The following UPRT variants were observed in gnomAD, a reference collection of about 807,000 sequenced individuals.
UPRT encodes the protein uracil phosphoribosyltransferase homolog, also known as RP11-311P8.3.
UPRT carries 5 observed loss-of-function variants against 22.6 expected under a neutral mutation model. The observed-to-expected ratio is 0.22, with a 90% CI of 0.12 to 0.47. UPRT has a LOEUF of 0.47. Among genes scored for constraint, UPRT ranks in the 20% least tolerant of loss-of-function variants. UPRT has a pLI of 0.99. For synonymous variants in UPRT, 77 were observed against 87.7 expected, an observed-to-expected ratio of 0.88 and a Z score of 0.68; for missense variants, 181 against 239.9, an observed-to-expected ratio of 0.75 and a Z score of 1.62.
chrX:75,290,423 G>A (rs1465790907), intron 1 of UPRT, among the ~76,000 whole-genome samples: 1 of 111,696 alleles, frequency 9.0e-6, no homozygotes, highest in African/African-American at 3.3e-5. Context: ...GAAACCATTT[G>A]ACCCAAGAAT....
intron 4 of UPRT, among the ~76,000 whole-genome samples, chrX:75,208,615 T>A (rs894648507): frequency 2.7e-5 from 3 of 111,529 alleles, no homozygotes; most frequent in African/African-American, 9.8e-5. Flanking sequence ...CACCACCTGG[T>A]TTACAACTCA....
chrX:75,183,569 C>G (rs1602442420), intron 4 of UPRT, among the ~76,000 whole-genome samples: 1 of 111,973 alleles, frequency 8.9e-6, no homozygotes, highest in Non-Finnish European at 1.9e-5. Flanking sequence ...AATGGTATTT[C>G]TAGTTCTAGA....
At chrX:75,230,312 T>C (rs1036472089) in intron 4 of UPRT, among the ~76,000 whole-genome samples, 1 of 111,680 alleles carries the variant, frequency 9.0e-6, no homozygotes, top group East Asian at 2.8e-4. Flanking sequence ...AGCCACCTGA[T>C]GATTTTTCTC....
At chrX:75,294,952 T>G (rs1244784701) in intron 2 of UPRT, among the ~76,000 whole-genome samples, 2 of 111,295 alleles carry the variant, frequency 1.8e-5, no homozygotes, top group East Asian at 5.7e-4. Flanking sequence ...CCCAGTGAGA[T>G]AGTAAGGACC....
At chrX:75,158,772 C>A (rs935501160) in intron 1 of UPRT, among the ~76,000 whole-genome samples, 1 of 111,644 alleles carries the variant, frequency 9.0e-6, no homozygotes, top group East Asian at 2.8e-4. Flanking sequence ...TTTTAAATGA[C>A]TTTTTCTTAT....
At chrX:75,190,117 G>A (rs2082309828) in intron 4 of UPRT, among the ~76,000 whole-genome samples, 3 of 112,077 alleles carry the variant, frequency 2.7e-5, no homozygotes, top group Middle Eastern at 4.6e-3. Flanking sequence ...GGCTGATACC[G>A]GTTGTTCCTT....
At position 75,304,247 on chromosome X, in the gene UPRT, T is replaced by C. The variant is rs1220918937; in HGVS notation, c.*736T>C. ...ACAAGGGAGAGCCAAGTACTGTTAATGCCATCAATCCTCTAGGAAGGAATT... is the reference window on the plus strand; with the variant it reads ...ACAAGGGAGAGCCAAGTACTGTTAACGCCATCAATCCTCTAGGAAGGAATT... On this transcript the variant is annotated 3_prime_UTR_variant, in exon 7 of 7. Transcript: ENST00000373383. 9.0e-6 allele frequency: 1 copy of C among 111,539 alleles called. No individual in the cohort carries two copies. The highest frequency in any genetic ancestry group is 3.3e-5 in the African/African-American group (1 of 30,725). The allele number at this position is 111,539 out of a possible 1,213,427, so 9.2% of individuals were successfully genotyped here. A position where few individuals can be genotyped will look rare whatever the true frequency, so the allele number is the denominator to read the frequency against.
At chrX:75,185,505 G>A (rs1314629025) in intron 4 of UPRT, among the ~76,000 whole-genome samples, 2 of 111,850 alleles carry the variant, frequency 1.8e-5, no homozygotes, top group African/African-American at 6.5e-5. Flanking sequence ...GTCTCTGTCT[G>A]GCTTTGGTAT....
intron 4 of UPRT, among the ~76,000 whole-genome samples, chrX:75,227,586 C>T (rs2082427022): frequency 8.9e-6 from 1 of 112,344 alleles, no homozygotes; most frequent in African/African-American, 3.2e-5. Flanking sequence ...TTGCTTCTTG[C>T]CTCGTAGTCT....
chrX:75,178,045 G>T (rs933279462), intron 4 of UPRT, among the ~76,000 whole-genome samples: 8 of 112,276 alleles, frequency 7.1e-5, no homozygotes, highest in Non-Finnish European at 1.1e-4. Context: ...ACTCATGGCC[G>T]CAGGGTCAAC....
intron 4 of UPRT, among the ~76,000 whole-genome samples, chrX:75,222,056 C>T (rs2082411798): frequency 8.9e-6 from 1 of 112,023 alleles, no homozygotes; most frequent in African/African-American, 3.3e-5. Context: ...CCCTCCAGTC[C>T]AGCAGTGCTG....
chrX:75,194,047 C>T (rs2082325069), intron 4 of UPRT, among the ~76,000 whole-genome samples: 1 of 111,951 alleles, frequency 8.9e-6, no homozygotes, highest in Non-Finnish European at 1.9e-5. Flanking sequence ...TTTTGAGTTG[C>T]CAGAGTTCTT....
At chrX:75,177,644 T>C (rs1165129785) in intron 4 of UPRT, among the ~76,000 whole-genome samples, 1 of 111,670 alleles carries the variant, frequency 9.0e-6, no homozygotes, top group African/African-American at 3.3e-5. Context: ...TCCTCACTTA[T>C]ATAAATAGGA....
intron 4 of UPRT, among the ~76,000 whole-genome samples, chrX:75,234,294 G>C (rs775121595): frequency 9.0e-6 from 1 of 110,995 alleles, no homozygotes; most frequent in East Asian, 2.8e-4. Flanking sequence ...AGCAAGTCCT[G>C]AGTGACCTAC....
intron 1 of UPRT, among the ~76,000 whole-genome samples, chrX:75,291,919 T>A (rs1009848609): frequency 1.8e-5 from 2 of 111,299 alleles, no homozygotes; most frequent in Admixed American, 1.9e-4. Context: ...TGAGGCTGAT[T>A]TTTTTGTGGG....
In UPRT at chrX:75,296,562, G is replaced by T. The variant is rs774402651; in HGVS notation, c.499+151G>T. On this transcript the variant is annotated intron_variant, in intron 3 of 6. Coordinates refer to ENST00000373383, the MANE Select transcript of UPRT (RefSeq NM_145052.4). ...TTAAAATCTTAAAAATAAAACTCAG[G>T]CATTTAGGAAAGAAATCTGTGTAGA... The T allele has an allele frequency of 5.0e-5, 24 of 481,257 alleles. No individual in the cohort carries two copies. The South Asian group carries it at 1.0e-3, about 21-fold the overall frequency. The allele number at this position is 481,257 out of a possible 1,213,427, so 39.7% of individuals were successfully genotyped here.
At chrX:75,236,648 A>G (rs1312363867) in intron 4 of UPRT, among the ~76,000 whole-genome samples, 4 of 112,119 alleles carry the variant, frequency 3.6e-5, no homozygotes, top group African/African-American at 6.5e-5. Flanking sequence ...AATGCTGCAT[A>G]TCTACAACTA....
chrX:75,299,676 G>A, intron 4 of UPRT, 59 bp from the exon 5 acceptor site: 1 of 1,123,245 alleles, frequency 8.9e-7, no homozygotes, highest in Admixed American at 2.7e-5. Context: ...ACTTTGGCCT[G>A]TTCTTGGACT....
chrX:75,251,708 C>A (rs1431235602), intron 4 of UPRT, among the ~76,000 whole-genome samples: 1 of 111,337 alleles, frequency 9.0e-6, no homozygotes, highest in East Asian at 2.8e-4. Context: ...ATTGGAAAAT[C>A]TACTTTAAAT....
Sources: gnomAD v4.1 joint callset for allele counts (sites outside exome capture counted in the v4.1 genomes callset) on GRCh38, gnomAD v4.1.1 for gene constraint, MANE v1.5 for transcripts, NCBI Gene and HGNC (gene_info 2026-07-23, HGNC 2026-07-21) for gene names.